CDC42SE2: variants seen among roughly 807,000 people sequenced by gnomAD.
The protein encoded by CDC42SE2 is CDC42 small effector protein 2.
CDC42SE2 carries 3 observed loss-of-function variants against 11.5 expected under a neutral mutation model. The observed-to-expected ratio is 0.26, with a 90% CI of 0.12 to 0.67. The LOEUF (loss-of-function observed/expected upper bound fraction) is 0.67. Among genes scored for constraint, CDC42SE2 ranks in the 30% least tolerant of loss-of-function variants. The pLI, the probability that CDC42SE2 is intolerant of heterozygous loss-of-function variation, is 0.80. For missense variants in CDC42SE2, 82 were observed against 106.8 expected (o/e 0.77, Z 1.02); for synonymous variants, 33 against 34.8 (o/e 0.95, Z 0.18).
At chr5:131,370,850 C>T (rs1325718255) in intron 3 of CDC42SE2, among the ~76,000 whole-genome samples, 1 of 151,840 alleles carries the variant, frequency 6.6e-6, no homozygotes, top group Non-Finnish European at 1.5e-5. Flanking sequence ...AGCCTAGACA[C>T]AACAAGAATG....
At chr5:131,255,107 G>T (rs1408448757) in exon 2 of CDC42SE2, 1 of 152,130 alleles carries the variant, frequency 6.6e-6, no homozygotes, top group Non-Finnish European at 1.5e-5. Flanking sequence ...TTGACAAAGA[G>T]TAAAGGAGAA....
intron 2 of CDC42SE2, among the ~76,000 whole-genome samples, chr5:131,258,480 A>G (rs983049267): frequency 6.6e-6 from 1 of 152,070 alleles, no homozygotes; most frequent in African/African-American, 2.4e-5. Flanking sequence ...CCTTCCTCTT[A>G]TCTTGTTGTC....
intron 2 of CDC42SE2, among the ~76,000 whole-genome samples, chr5:131,330,577 C>T (rs1277756751): frequency 1.3e-5 from 2 of 152,166 alleles, no homozygotes; most frequent in African/African-American, 4.8e-5. Context: ...GGGAATCACT[C>T]TCCAGGGGCA....
intron 1 of CDC42SE2, among the ~76,000 whole-genome samples, chr5:131,283,173 C>T (rs80311787): frequency 0.13 from 19,077 of 150,510 alleles, 1,392 homozygotes; most frequent in Middle Eastern, 0.2. Flanking sequence ...GTGATCTGCC[C>T]GCCTTGGCCT....
chr5:131,388,253 C>T (rs1243613532), intron 4 of CDC42SE2, among the ~76,000 whole-genome samples: 2 of 152,184 alleles, frequency 1.3e-5, no homozygotes, highest in Non-Finnish European at 1.5e-5. Flanking sequence ...CCTCGGCCTC[C>T]CAAAGTGTTG....
chr5:131,367,358 C>T (rs1184924658), intron 3 of CDC42SE2, among the ~76,000 whole-genome samples: 1 of 151,946 alleles, frequency 6.6e-6, no homozygotes, highest in East Asian at 1.9e-4. Context: ...GTTTCTGTAG[C>T]ATATATATCT....
intron 1 of CDC42SE2, among the ~76,000 whole-genome samples, chr5:131,306,827 T>A (rs1757787790): frequency 6.6e-6 from 1 of 152,184 alleles, no homozygotes; most frequent in Non-Finnish European, 1.5e-5. Context: ...AATTTAATCC[T>A]AAATATATAT....
intron 2 of CDC42SE2, among the ~76,000 whole-genome samples, chr5:131,349,060 C>T (rs1758931132): frequency 6.6e-6 from 1 of 152,044 alleles, no homozygotes; most frequent in South Asian, 2.1e-4. Flanking sequence ...TAGGTAATAC[C>T]ATTCAGGACA....
intron 1 of CDC42SE2, among the ~76,000 whole-genome samples, chr5:131,279,103 T>C (rs1757177919): frequency 6.6e-6 from 1 of 152,070 alleles, no homozygotes; most frequent in Non-Finnish European, 1.5e-5. Context: ...CAATTTCTTA[T>C]GGTTTAGTCT....
the CDC42SE2 span, among the ~76,000 whole-genome samples, chr5:131,224,378 T>G: frequency 6.6e-6 from 1 of 152,194 alleles, no homozygotes. Context: ...GCAGCCTTCA[T>G]GGTAACTGCA....
Position 131,347,419 on chromosome 5 carries a change from G to A in CDC42SE2, c.-285-11790G>A, listed in dbSNP as rs564332844. Among the ~76,000 whole-genome samples, 33 of 152,136 alleles carry A rather than the reference G, an allele frequency of 2.2e-4. No homozygotes were observed. In the South Asian group the frequency reaches 4.2e-3, roughly 19 times the overall value. ...TCTAGAAGAAATGGATAAATTACTCGACACATACACTCTCCCAAGACTAAA... is the reference window on the plus strand; with the variant it reads ...TCTAGAAGAAATGGATAAATTACTCAACACATACACTCTCCCAAGACTAAA... On this transcript the variant is annotated intron_variant, in intron 2 of 4. Transcript: ENST00000505065.
chr5:131,330,781 C>T (rs971286946), intron 2 of CDC42SE2, among the ~76,000 whole-genome samples: 2 of 150,070 alleles, frequency 1.3e-5, no homozygotes, highest in African/African-American at 5.0e-5. Flanking sequence ...CTTTGGGAAG[C>T]CAAAGCAAGA....
chr5:131,262,882 A>T (rs937700077), upstream of CDC42SE2, among the ~76,000 whole-genome samples: 5 of 152,106 alleles, frequency 3.3e-5, no homozygotes, highest in African/African-American at 1.2e-4. Flanking sequence ...CTGACTCTGA[A>T]TTATAAAGAT....
chr5:131,304,606 C>T (rs1757746037), intron 1 of CDC42SE2, among the ~76,000 whole-genome samples: 1 of 152,198 alleles, frequency 6.6e-6, no homozygotes, highest in Admixed American at 6.5e-5. Flanking sequence ...GACTGAGGTA[C>T]TCTGGACTAT....
rs930351520 is a variant in CDC42SE2, at chr5:131,329,740, A to T, written c.-286+13596A>T. 9.2e-5 allele frequency among the ~76,000 whole-genome samples: 14 copies of T among 151,478 alleles called. No individual in the cohort carries two copies. The South Asian group carries it at 1.7e-3, about 18-fold the overall frequency. ...CTAAAAATACAAAAATTAACTGGGC[A>T]TGGTGGTGGGCCCCTGTAATCCCAG... On this transcript the variant is annotated intron_variant, in intron 2 of 4. Transcript: ENST00000505065.
chr5:131,333,589 C>G (rs372506957), intron 2 of CDC42SE2, among the ~76,000 whole-genome samples: 1 of 152,074 alleles, frequency 6.6e-6, no homozygotes, highest in Non-Finnish European at 1.5e-5. Flanking sequence ...CTGATTTTTC[C>G]TACCCATGAG....
At chr5:131,383,792 T>C (rs972913747) in intron 3 of CDC42SE2, among the ~76,000 whole-genome samples, 8 of 152,184 alleles carry the variant, frequency 5.3e-5, no homozygotes, top group African/African-American at 1.7e-4. Flanking sequence ...AATAGCAGAG[T>C]TGAGTCAAAG....
At chr5:131,313,778 G>A (rs1489370941) in intron 1 of CDC42SE2, among the ~76,000 whole-genome samples, 9 of 152,124 alleles carry the variant, frequency 5.9e-5, no homozygotes, top group East Asian at 1.9e-4. Flanking sequence ...TTTAAAAGCC[G>A]TTTTGATTGA....
chr5:131,378,204 T>G (rs1750210945), intron 3 of CDC42SE2, among the ~76,000 whole-genome samples: 1 of 152,188 alleles, frequency 6.6e-6, no homozygotes, highest in Admixed American at 6.5e-5. Flanking sequence ...GGGGCAAGGG[T>G]GTTTCATATA....
Sources: allele counts gnomAD v4.1 joint callset (sites outside exome capture counted in the v4.1 genomes callset), GRCh38; gene constraint gnomAD v4.1.1; transcripts MANE v1.5; gene names NCBI Gene and HGNC (gene_info 2026-07-23, HGNC 2026-07-21).